The following TG variants were observed in gnomAD, a reference collection of about 807,000 sequenced individuals.
TG encodes thyroid hormones.
A neutral mutation model predicts 324.7 loss-of-function variants in TG; 270 were observed. The ratio of observed to expected loss-of-function variants is 0.83; its 90% confidence interval spans 0.75 to 0.92. The LOEUF is 0.92. TG is among the 40% of genes least tolerant of loss of function. The probability of loss-of-function intolerance (pLI) is 0.00; values close to 1 mark genes in which losing one functional copy is unlikely to be tolerated. For missense variants in TG, 3,591 were observed against 3,456.4 expected, an observed-to-expected ratio of 1.04 and a Z score of -0.98; for synonymous variants, 1,401 against 1,327.0, an observed-to-expected ratio of 1.06 and a Z score of -1.21.
Position 133,122,124 on chromosome 8 carries a change from A to C in TG, c.7862+5408A>C, listed in dbSNP as rs554875513. On this transcript the variant is annotated intron_variant, in intron 45 of 47. Coordinates refer to ENST00000220616, the MANE Select transcript of TG (RefSeq NM_003235.5). ...CTTTCCTGGCAACAACTAGTGAAAA[A>C]AAATACAACGAATTATTGCTTTCTT... Among the ~76,000 whole-genome samples, 3 of 152,356 alleles carry C rather than the reference A, an allele frequency of 2.0e-5. No individual in the cohort carries two copies. In the South Asian group the frequency reaches 6.2e-4, roughly 32 times the overall value.
chr8:133,035,755 C>T (rs1374971484), intron 41 of TG, among the ~76,000 whole-genome samples: 7 of 152,130 alleles, frequency 4.6e-5, no homozygotes, highest in Admixed American at 4.6e-4. Flanking sequence ...TCCTTTTGTT[C>T]ATTTTTGCAT....
rs756823931 is a variant in TG, at chr8:133,113,462, C to T, written c.7613C>T (p.Ala2538Val). The change falls in exon 44 of 48, where the codon GCC becomes GTC. Residue 2538 changes from alanine (A) to valine (V), a missense_variant. Transcript: ENST00000220616. The part of the protein sequence containing the change: ...ESRGRTSSKT[A>V]FYQALQNSLG... The stretch of plus-strand genomic sequence containing the variant: ...CGAGGCCGGACCAGTAGCAAAACAG[C>T]CTTTTACCAGGCACTGCAGAATTCT... 6.2e-7 allele frequency: 1 copy of T among 1,613,970 alleles called. No homozygotes were observed. The highest frequency in any genetic ancestry group is 2.2e-5 in the East Asian group (1 of 44,868).
In TG at chr8:133,038,926, G is replaced by A. The variant is rs183334795; in HGVS notation, c.7239+8903G>A. Among the ~76,000 whole-genome samples the A allele has an allele frequency of 4.8e-3, 725 of 152,250 alleles. 6 individuals are homozygous for A. The highest frequency in any genetic ancestry group is 8.3e-3 in the Non-Finnish European group (563 of 68,018). On this transcript the variant is annotated intron_variant, in intron 41 of 47. Transcript: ENST00000220616. The stretch of plus-strand genomic sequence containing the variant: ...GGAGTCTCGCTCTGTTGCCCAGGCT[G>A]GAGTGCAGTGGTGCAATCTCTGCTC...
At chr8:133,041,582 G>T (rs952844679) in intron 41 of TG, among the ~76,000 whole-genome samples, 2 of 152,170 alleles carry the variant, frequency 1.3e-5, no homozygotes, top group Admixed American at 1.3e-4. Flanking sequence ...AGATGCAAAG[G>T]CTGGAGAGAT....
chr8:133,130,653 C>A (rs950694219), intron 45 of TG, among the ~76,000 whole-genome samples: 4 of 152,140 alleles, frequency 2.6e-5, no homozygotes, highest in African/African-American at 9.7e-5. Context: ...CTCCCCAGGG[C>A]TTTCAGAAGG....
At chr8:133,134,608 A>G (rs1852211964) in intron 47 of TG, 68 bp from the exon 48 acceptor site, 1 of 1,420,596 alleles carries the variant, frequency 7.0e-7, no homozygotes, top group African/African-American at 1.4e-5. Context: ...TTTGGGACAA[A>G]AGGAAGGGAC....
rs117269709 is a variant in TG, at chr8:133,134,256, G to A, written c.8189-420G>A. Among the ~76,000 whole-genome samples, 633 of 152,270 alleles carry A rather than the reference G, an allele frequency of 4.2e-3. 1 individual carries two copies. Among genetic ancestry groups the A allele is most frequent in the Middle Eastern group, 0.017 (5 of 294 alleles). On this transcript the variant is annotated intron_variant, in intron 47 of 47. Coordinates refer to ENST00000220616, the MANE Select transcript of TG (RefSeq NM_003235.5). ...TGGAAGCCTGTGTCTGAGTGAGCAG[G>A]AGCCCAGAGGAAGGAGGACTCACTC... is the stretch of plus-strand genomic sequence containing the variant.
intron 41 of TG, among the ~76,000 whole-genome samples, chr8:133,039,773 G>C (rs1368820671): frequency 6.6e-6 from 1 of 152,184 alleles, no homozygotes; most frequent in African/African-American, 2.4e-5. Flanking sequence ...AGAAACAGGG[G>C]GAGCTGCCAC....
intron 43 of TG, among the ~76,000 whole-genome samples, chr8:133,111,101 T>C (rs1850213611): frequency 6.6e-6 from 1 of 152,198 alleles, no homozygotes; most frequent in African/African-American, 2.4e-5. Context: ...AACTCAATGC[T>C]CTTTTCACTG....
intron 27 of TG, among the ~76,000 whole-genome samples, chr8:132,953,905 A>G (rs59305573): frequency 0.013 from 2,010 of 152,188 alleles, 53 homozygotes; most frequent in African/African-American, 0.046. Context: ...GGGGCTGCAT[A>G]TGGCTAGTTT....
At position 133,050,275 on chromosome 8, in the gene TG, T is replaced by TTAAAACA. The variant is rs1253666539; in HGVS notation, c.7239+20253_7239+20254insAAAACAT. 1.3e-5 allele frequency: 6 copies of TTAAAACA among 453,820 alleles called. No homozygotes were observed. In the East Asian group the frequency reaches 2.4e-4, roughly 18 times the overall value. 28.1% of individuals were successfully genotyped at this position (453,820 alleles called of 1,614,324 possible). ...CTAATGTTCCCAACTGTTGGAGGCTTTTTAAAAATAAATGTTTACTATGTT... is the reference window on the plus strand; with the variant it reads ...CTAATGTTCCCAACTGTTGGAGGCTTTAAAACATTTAAAAATAAATGTTTACTATGTT... On this transcript the variant is annotated intron_variant, in intron 41 of 47. Coordinates refer to ENST00000220616, the MANE Select transcript of TG (RefSeq NM_003235.5).
intron 43 of TG, among the ~76,000 whole-genome samples, chr8:133,110,807 C>T (rs1850191972): frequency 1.3e-5 from 2 of 152,192 alleles, no homozygotes; most frequent in Non-Finnish European, 2.9e-5. Flanking sequence ...AGAGCTGGAA[C>T]CCAAATCTGG....
intron 5 of TG, among the ~76,000 whole-genome samples, chr8:132,876,308 A>T (rs968683038): frequency 1.3e-5 from 2 of 152,126 alleles, no homozygotes; most frequent in African/African-American, 4.8e-5. Flanking sequence ...AGGAATTGAT[A>T]TGGAGGTGAG....
At chr8:133,093,411 G>A (rs974650266) in intron 41 of TG, among the ~76,000 whole-genome samples, 1 of 152,178 alleles carries the variant, frequency 6.6e-6, no homozygotes. Flanking sequence ...AGATCACGTA[G>A]CCCAGGAGCC....
intron 43 of TG, chr8:133,102,632 G>A (rs760376907): frequency 4.3e-4 from 619 of 1,454,188 alleles, no homozygotes; most frequent in Non-Finnish European, 5.3e-4. Flanking sequence ...GCTTTCTATT[G>A]AAATTCTTCA....
chr8:132,954,457 A>G (rs988639268), intron 27 of TG, among the ~76,000 whole-genome samples: 2 of 152,210 alleles, frequency 1.3e-5, no homozygotes, highest in Non-Finnish European at 2.9e-5. Flanking sequence ...CACAACAGCC[A>G]ATAAAGGGTG....
intron 45 of TG, among the ~76,000 whole-genome samples, chr8:133,125,727 T>G (rs1485823812): frequency 2.0e-5 from 3 of 152,166 alleles, no homozygotes; most frequent in Non-Finnish European, 4.4e-5. Context: ...ATCATGAGGC[T>G]GAGTGCGCGC....
At chr8:132,934,972 T>C (rs1478959795) in intron 24 of TG, among the ~76,000 whole-genome samples, 3 of 152,002 alleles carry the variant, frequency 2.0e-5, no homozygotes, top group Non-Finnish European at 4.4e-5. Context: ...CATAGCCAGC[T>C]CCAGCCTCTC....
In TG at chr8:133,095,167, C is replaced by A. The variant is rs201444172; in HGVS notation, c.7363C>A (p.Arg2455Ser). 3.7e-6 allele frequency: 6 copies of A among 1,614,066 alleles called. No individual in the cohort carries two copies. Among genetic ancestry groups the A allele is most frequent in the Admixed American group, 1.7e-5 (1 of 60,000 alleles). The change falls in exon 42 of 48, where the codon CGC becomes AGC. Residue 2455 changes from arginine to serine, a missense_variant. Physicochemically the swap from Arg to Ser is moderately radical, Grantham distance 110 (BLOSUM62 -1). Coordinates refer to ENST00000220616, the MANE Select transcript of TG (RefSeq NM_003235.5). ...SSSQEVVSCLRQKPANVLNDA... is the reference protein window; with the variant it reads ...SSSQEVVSCLSQKPANVLNDA... ...CAGCCAAGAAGTGGTGTCCTGCCTC[C>A]GCCAGAAGCCTGCCAATGTCCTCAA...
Sources: allele counts gnomAD v4.1 joint callset (sites outside exome capture counted in the v4.1 genomes callset), GRCh38; gene constraint gnomAD v4.1.1; transcripts MANE v1.5; gene names NCBI Gene and HGNC (gene_info 2026-07-23, HGNC 2026-07-21).